The following FGF7 variants were observed in gnomAD, a reference collection of about 807,000 sequenced individuals.
FGF7 encodes FGF-7.
In FGF7, 6 loss-of-function variants were observed where a neutral mutation model predicts 20.5. The observed-to-expected ratio is 0.29, with a 90% CI of 0.16 to 0.58. FGF7 has a LOEUF of 0.58. FGF7 is among the 20% of genes least tolerant of loss of function. FGF7 has a pLI of 0.90. For synonymous variants in FGF7, 64 were observed against 74.7 expected (o/e 0.86, Z 0.74); for missense variants, 144 against 228.8 (o/e 0.63, Z 2.39).
intron 2 of FGF7, among the ~76,000 whole-genome samples, chr15:49,449,313 T>C (rs993104944): frequency 6.6e-6 from 1 of 152,040 alleles, no homozygotes; most frequent in East Asian, 1.9e-4. Context: ...AATCAGTAAA[T>C]GTTTTTTACT....
chr15:49,468,939 A>G (rs2054498052), intron 2 of FGF7, among the ~76,000 whole-genome samples: 1 of 152,114 alleles, frequency 6.6e-6, no homozygotes, highest in African/African-American at 2.4e-5. Context: ...GAAAAAGTCA[A>G]TTTTGAATAA....
chr15:49,471,688 A>G (rs2151968079), intron 2 of FGF7, among the ~76,000 whole-genome samples: 1 of 152,188 alleles, frequency 6.6e-6, no homozygotes, highest in Non-Finnish European at 1.5e-5. Context: ...GAGTGACAAC[A>G]GCATCTCATG....
chr15:49,453,793 T>G (rs992580557), intron 2 of FGF7, among the ~76,000 whole-genome samples: 1 of 152,144 alleles, frequency 6.6e-6, no homozygotes, highest in South Asian at 2.1e-4. Flanking sequence ...TCCAGGAAAT[T>G]CAATTTCAGC....
intron 2 of FGF7, among the ~76,000 whole-genome samples, chr15:49,441,895 C>G (rs1225979746): frequency 3.3e-5 from 5 of 151,054 alleles, no homozygotes; most frequent in Admixed American, 3.3e-4. Flanking sequence ...TCTCATTGTA[C>G]TTATGCATTT....
chr15:49,480,725 C>T (rs539721210), intron 2 of FGF7, among the ~76,000 whole-genome samples: 6 of 152,180 alleles, frequency 3.9e-5, no homozygotes, highest in Admixed American at 6.5e-5. Context: ...TCAAGTGTTC[C>T]GCCTGACTCG....
At chr15:49,426,646 AT>A (rs1291482515) in intron 2 of FGF7, among the ~76,000 whole-genome samples, 1 of 151,942 alleles carries the variant, frequency 6.6e-6, no homozygotes, top group Admixed American at 6.6e-5. Flanking sequence ...TTGAAATACA[AT>A]TTAGTGCTAA....
chr15:49,444,692 T>A (rs2052013662), intron 2 of FGF7, among the ~76,000 whole-genome samples: 1 of 151,704 alleles, frequency 6.6e-6, no homozygotes, highest in South Asian at 2.1e-4. Flanking sequence ...CCAAGGACCC[T>A]TTGTGCATAT....
chr15:49,467,695 C>A (rs1294793650), intron 2 of FGF7, among the ~76,000 whole-genome samples: 1 of 152,112 alleles, frequency 6.6e-6, no homozygotes, highest in Non-Finnish European at 1.5e-5. Flanking sequence ...AAATAGTCTA[C>A]ATTGTCAGAC....
rs1284666632 is a variant in FGF7 at position 49,487,307 on chromosome 15, A to G, written c.*2803A>G. ...TTCTTTGAAAGATAAAATTAAATAC[A>G]TGAGTTTCTAACAATTAGAAAAGAA... is the stretch of plus-strand genomic sequence containing the variant. On this transcript the variant is annotated 3_prime_UTR_variant, in exon 4 of 4. Transcript: ENST00000267843. 2.0e-5 allele frequency: 3 copies of G among 151,962 alleles called. No homozygotes were observed. The highest frequency in any genetic ancestry group is 7.2e-5 in the African/African-American group (3 of 41,426). The allele number at this position is 151,962 out of a possible 1,614,324, so 9.4% of individuals were successfully genotyped here. A position where few individuals can be genotyped will look rare whatever the true frequency, so the allele number is the denominator to read the frequency against.
rs2056251621 is a variant in FGF7, at chr15:49,484,590, T to G, written c.*86T>G. 1.6e-6 allele frequency: 1 copy of G among 623,322 alleles called. No homozygotes were observed. The allele number at this position is 623,322 out of a possible 1,614,324, so 38.6% of individuals were successfully genotyped here. A position where few individuals can be genotyped will look rare whatever the true frequency, so the allele number is the denominator to read the frequency against. The stretch of plus-strand genomic sequence containing the variant: ...CTTTCTTCTCAAAATTTTCTTTCCT[T>G]TTATTTTTTAGTAATCAAGAAAGGC... On this transcript the variant is annotated 3_prime_UTR_variant, in exon 4 of 4. Transcript: ENST00000267843.
At chr15:49,447,746 CTT>C (rs1307182085) in intron 2 of FGF7, among the ~76,000 whole-genome samples, 1 of 151,656 alleles carries the variant, frequency 6.6e-6, no homozygotes, top group Non-Finnish European at 1.5e-5. Flanking sequence ...TGTGGAATGA[CTT>C]TGTCCTCATT....
At chr15:49,429,526 A>G (rs1327850010) in intron 2 of FGF7, among the ~76,000 whole-genome samples, 2 of 151,984 alleles carry the variant, frequency 1.3e-5, no homozygotes, top group South Asian at 2.1e-4. Context: ...TCTTTAACCT[A>G]CAGTTCTAGA....
chr15:49,476,758 CA>C (rs548306069), intron 2 of FGF7, among the ~76,000 whole-genome samples: 2 of 151,742 alleles, frequency 1.3e-5, no homozygotes, highest in African/African-American at 2.4e-5. Flanking sequence ...TTTAGATTTA[CA>C]AAAAAAATTG....
chr15:49,431,064 G>A (rs2050572675), intron 2 of FGF7, among the ~76,000 whole-genome samples: 1 of 151,440 alleles, frequency 6.6e-6, no homozygotes, highest in Admixed American at 6.6e-5. Flanking sequence ...CATCACTATT[G>A]GAATACAATA....
intron 2 of FGF7, among the ~76,000 whole-genome samples, chr15:49,454,642 C>T (rs1160392540): frequency 1.3e-5 from 2 of 152,168 alleles, no homozygotes; most frequent in Non-Finnish European, 2.9e-5. Flanking sequence ...CGAAGTCTCG[C>T]TCTGTCACAC....
At chr15:49,454,736 A>G (rs1188964341) in intron 2 of FGF7, among the ~76,000 whole-genome samples, 3 of 152,076 alleles carry the variant, frequency 2.0e-5, no homozygotes, top group Non-Finnish European at 4.4e-5. Context: ...CAGCCTCTCA[A>G]GTAGCTGGGA....
intron 2 of FGF7, among the ~76,000 whole-genome samples, chr15:49,464,249 A>AT (rs1470334607): frequency 1.3e-5 from 2 of 152,100 alleles, no homozygotes; most frequent in East Asian, 1.9e-4. Context: ...CCCGAAGGAT[A>AT]TTTTTTGCCC....
intron 2 of FGF7, among the ~76,000 whole-genome samples, chr15:49,456,916 A>G (rs1194361588): frequency 1.3e-5 from 2 of 152,112 alleles, no homozygotes; most frequent in African/African-American, 2.4e-5. Flanking sequence ...ATTCAATCCA[A>G]TTTAATTTTT....
chr15:49,465,718 T>A (rs1268940823), intron 2 of FGF7, among the ~76,000 whole-genome samples: 1 of 152,220 alleles, frequency 6.6e-6, no homozygotes, highest in Non-Finnish European at 1.5e-5. Flanking sequence ...ATTTTGTGCT[T>A]ATTTAATTAA....
Sources: allele counts gnomAD v4.1 joint callset (sites outside exome capture counted in the v4.1 genomes callset), GRCh38; gene constraint gnomAD v4.1.1; transcripts MANE v1.5; gene names NCBI Gene and HGNC (gene_info 2026-07-23, HGNC 2026-07-21).